GFRA1: variants seen among roughly 807,000 people sequenced by gnomAD.
GFRA1 encodes GDNF family receptor alpha 1, also known as GDNF family receptor alpha-1.
A neutral mutation model predicts 51.6 loss-of-function variants in GFRA1; 16 were observed. The observed-to-expected ratio is 0.31, with a 90% CI of 0.21 to 0.47. GFRA1 has a LOEUF of 0.47. Among genes scored for constraint, GFRA1 ranks in the 20% least tolerant of loss-of-function variants. The pLI, the probability that GFRA1 is intolerant of heterozygous loss-of-function variation, is 1.00. For synonymous variants in GFRA1, 270 were observed against 241.3 expected, an observed-to-expected ratio of 1.12 and a Z score of -1.10; for missense variants, 530 against 594.3, an observed-to-expected ratio of 0.89 and a Z score of 1.13.
chr10:116,233,109 T>C (rs940682314), intron 4 of GFRA1, among the ~76,000 whole-genome samples: 5 of 152,046 alleles, frequency 3.3e-5, no homozygotes, highest in African/African-American at 9.7e-5. Context: ...GGCAGATCAC[T>C]TGCGGTCAGG....
At chr10:116,090,274 A>C (rs10885851) in intron 8 of GFRA1, among the ~76,000 whole-genome samples, 9,832 of 152,114 alleles carry the variant, frequency 0.065, 690 homozygotes, top group Admixed American at 0.21. Flanking sequence ...ACTTGGGATC[A>C]TAACTGTCCC....
At chr10:116,169,818 A>C (rs1281093781) in intron 5 of GFRA1, among the ~76,000 whole-genome samples, 1 of 152,174 alleles carries the variant, frequency 6.6e-6, no homozygotes, top group South Asian at 2.1e-4. Flanking sequence ...GGGTGCAAGA[A>C]GCTGTCACAG....
chr10:116,100,133 G>A (rs1956760488), intron 6 of GFRA1, among the ~76,000 whole-genome samples: 1 of 152,180 alleles, frequency 6.6e-6, no homozygotes, highest in Admixed American at 6.5e-5. Context: ...AATTGGTTAG[G>A]TACAGGTAGA....
intron 5 of GFRA1, among the ~76,000 whole-genome samples, chr10:116,205,373 C>G (rs920449908): frequency 6.6e-6 from 1 of 151,974 alleles, no homozygotes; most frequent in African/African-American, 2.4e-5. Context: ...GTCAGGAGAT[C>G]AAGACCATCT....
chr10:116,232,362 G>A (rs983953694), intron 4 of GFRA1, among the ~76,000 whole-genome samples: 15 of 152,154 alleles, frequency 9.9e-5, no homozygotes, highest in Middle Eastern at 3.4e-3. Context: ...TTAGTGCCTC[G>A]ACTTCCCTTT....
chr10:116,213,074 A>G (rs1019518274), intron 4 of GFRA1, among the ~76,000 whole-genome samples: 3 of 152,250 alleles, frequency 2.0e-5, no homozygotes, highest in African/African-American at 7.2e-5. Context: ...GTAGGATTGT[A>G]AAAAGGAATG....
At chr10:116,244,461 T>TTTTATTTAA in intron 4 of GFRA1, among the ~76,000 whole-genome samples, 1 of 145,396 alleles carries the variant, frequency 6.9e-6, no homozygotes, top group African/African-American at 2.6e-5. Flanking sequence ...TTTAATTTAA[T>TTTTATTTAA]TTTAATATAT....
intron 5 of GFRA1, among the ~76,000 whole-genome samples, chr10:116,177,354 G>A (rs531470582): frequency 2.0e-5 from 3 of 152,288 alleles, no homozygotes; most frequent in Non-Finnish European, 2.9e-5. Flanking sequence ...GAGGCCCTGG[G>A]CTAAGAGAAC....
At chr10:116,262,884 T>C (rs1013953173) in intron 4 of GFRA1, among the ~76,000 whole-genome samples, 2 of 152,122 alleles carry the variant, frequency 1.3e-5, no homozygotes, top group Admixed American at 6.5e-5. Context: ...GTTAGAGGAA[T>C]AGGAATCAGC....
chr10:116,271,509 G>GCGCC (rs1843935002), intron 2 of GFRA1, among the ~76,000 whole-genome samples: 1 of 152,132 alleles, frequency 6.6e-6, no homozygotes, highest in African/African-American at 2.4e-5. Flanking sequence ...TTTCCGAGGA[G>GCGCC]AAGTGCGGCG....
At chr10:116,165,663 T>TCACACACA (rs71475174) in intron 5 of GFRA1, among the ~76,000 whole-genome samples, 198 of 99,316 alleles carry the variant, frequency 2.0e-3, no homozygotes, top group East Asian at 5.1e-3. Flanking sequence ...TTTCTCTCAC[T>TCACACACA]CTCACACACA....
At chr10:116,162,549 G>A (rs1295028630) in intron 5 of GFRA1, among the ~76,000 whole-genome samples, 1 of 152,188 alleles carries the variant, frequency 6.6e-6, no homozygotes, top group East Asian at 1.9e-4. Context: ...GTCTGCGGAG[G>A]CTCTGGAGCA....
intron 5 of GFRA1, among the ~76,000 whole-genome samples, chr10:116,196,922 C>T (rs75626542): frequency 0.06 from 8,811 of 146,392 alleles, 265 homozygotes; most frequent in African/African-American, 0.084. Flanking sequence ...CTGAAGGTTT[C>T]TCTGAAGGTT....
At chr10:116,267,950 C>A (rs2577357) in intron 4 of GFRA1, among the ~76,000 whole-genome samples, 24,891 of 138,120 alleles carry the variant, frequency 0.18, 2,158 homozygotes, top group East Asian at 0.27. Context: ...AACACACACA[C>A]ACACACACAC....
intron 4 of GFRA1, among the ~76,000 whole-genome samples, chr10:116,235,445 C>T (rs1966856076): frequency 6.6e-6 from 1 of 152,132 alleles, no homozygotes; most frequent in African/African-American, 2.4e-5. Flanking sequence ...AAGTCCTGCA[C>T]CAAAACTGCT....
intron 5 of GFRA1, among the ~76,000 whole-genome samples, chr10:116,170,451 T>C (rs1960913917): frequency 6.6e-6 from 1 of 152,198 alleles, no homozygotes; most frequent in African/African-American, 2.4e-5. Flanking sequence ...CAGATGGTGT[T>C]TCAATTTGCT....
chr10:116,158,954 C>T (rs1959453544), intron 5 of GFRA1, among the ~76,000 whole-genome samples: 1 of 152,214 alleles, frequency 6.6e-6, no homozygotes, highest in Non-Finnish European at 1.5e-5. Context: ...CTGGTTCTCA[C>T]CAAACGCATG....
At chr10:116,269,431 G>T in intron 4 of GFRA1, 72 bp downstream of exon 4, 1 of 858,156 alleles carries the variant, frequency 1.2e-6, no homozygotes, top group Non-Finnish European at 2.0e-6. Flanking sequence ...TGCTCTTTGA[G>T]AGCCAAAGAG....
intron 5 of GFRA1, among the ~76,000 whole-genome samples, chr10:116,137,883 C>T (rs1215916330): frequency 1.3e-5 from 2 of 152,134 alleles, no homozygotes; most frequent in Admixed American, 6.5e-5. Context: ...CTCACTGCAA[C>T]CTCCACTTCC....
Sources: allele counts gnomAD v4.1 joint callset (sites outside exome capture counted in the v4.1 genomes callset), GRCh38; gene constraint gnomAD v4.1.1; transcripts MANE v1.5; gene names NCBI Gene and HGNC (gene_info 2026-07-23, HGNC 2026-07-21).